Variants in UTRN observed in about 807,000 individuals in gnomAD.
UTRN encodes the protein utrophin, also known as dystrophin-related protein 1.
A neutral mutation model predicts 463.9 loss-of-function variants in UTRN; 283 were observed. The ratio of observed to expected loss-of-function variants is 0.61; its 90% CI spans 0.55 to 0.67. The LOEUF (loss-of-function observed/expected upper bound fraction) is 0.67, where lower values mean the gene tolerates loss of function less well. Among genes scored for constraint, UTRN ranks in the 30% least tolerant of loss-of-function variants. The pLI is 0.00. For missense variants in UTRN, 3,922 were observed against 4,084.3 expected, an observed-to-expected ratio of 0.96 and a Z score of 1.08; for synonymous variants, 1,442 against 1,431.5, an observed-to-expected ratio of 1.01 and a Z score of -0.17.
rs948583117 is a variant in UTRN at position 144,620,022 on chromosome 6, A to G, written c.7479+42734A>G. ...TCTCCCAGATATCCAGTGTGTCTGC[A>G]TGAATGTGTCTCTCTTTATCTTTTT... is the stretch of plus-strand genomic sequence containing the variant. On this transcript the variant is annotated intron_variant, in intron 51 of 74. Transcript: ENST00000367545. Among the ~76,000 whole-genome samples the G allele has an allele frequency of 7.9e-5, 12 of 152,172 alleles. 1 individual carries two copies. Among genetic ancestry groups the G allele is most frequent in the African/African-American group, 2.9e-4 (12 of 41,450 alleles).
chr6:144,652,741 T>C (rs1399752243), intron 51 of UTRN, among the ~76,000 whole-genome samples: 1 of 152,200 alleles, frequency 6.6e-6, no homozygotes, highest in Non-Finnish European at 1.5e-5. Flanking sequence ...TTACTAGTTA[T>C]AAAGTAACTT....
intron 51 of UTRN, chr6:144,660,334 T>C: frequency 2.1e-6 from 1 of 469,998 alleles, no homozygotes; most frequent in Admixed American, 2.4e-5. Context: ...GCCTTTTTTT[T>C]CACTATACAT....
At chr6:144,681,824 A>T (rs549798448) in intron 52 of UTRN, among the ~76,000 whole-genome samples, 12 of 152,174 alleles carry the variant, frequency 7.9e-5, no homozygotes, top group South Asian at 2.1e-4. Flanking sequence ...GCTTTTAAAA[A>T]TTTTTTTAAT....
chr6:144,839,061 C>A, intron 71 of UTRN, 112 bp from the exon 72 acceptor site: 1 of 769,832 alleles, frequency 1.3e-6, no homozygotes, highest in Non-Finnish European at 2.1e-6. Flanking sequence ...AAGGCAAAGA[C>A]TTCTATATGA....
chr6:144,502,042 T>A (rs556086438), intron 34 of UTRN, among the ~76,000 whole-genome samples: 12 of 152,274 alleles, frequency 7.9e-5, no homozygotes, highest in Admixed American at 7.2e-4. Context: ...GCTTAGTGAG[T>A]TGTGTTTGAT....
At chr6:144,732,279 C>CACACATATATATATAT (rs1350339903) in intron 54 of UTRN, among the ~76,000 whole-genome samples, 2 of 103,216 alleles carry the variant, frequency 1.9e-5, no homozygotes, top group Non-Finnish European at 3.7e-5. Context: ...TATATATATA[C>CACACATATATATATAT]ACACATATAT....
At chr6:144,822,573 A>T (rs572946778) in intron 66 of UTRN, among the ~76,000 whole-genome samples, 236 of 152,230 alleles carry the variant, frequency 1.6e-3, no homozygotes, top group African/African-American at 5.3e-3. Context: ...ATTTAGAAAA[A>T]GTTTTAATAA....
At chr6:144,490,853 A>G in intron 31 of UTRN, 76 bp from the exon 32 acceptor site, 1 of 1,439,842 alleles carries the variant, frequency 6.9e-7, no homozygotes, top group South Asian at 1.6e-5. Context: ...ACAAATTTTT[A>G]GTAGTATCTG....
At position 144,732,253 on chromosome 6, in the gene UTRN, TATATACAC is replaced by T. The variant is rs1378211630; in HGVS notation, c.7939+1769_7939+1776del. ...ATATATATATACATATATATATATA[TATATACAC>T]ACATATATATATATATACACACATA... On this transcript the variant is annotated intron_variant, in intron 54 of 74. Coordinates refer to ENST00000367545, the MANE Select transcript of UTRN (RefSeq NM_007124.3). 2.0e-3 allele frequency among the ~76,000 whole-genome samples: 228 copies of T among 112,404 alleles called. 2 individuals carry two copies. The highest frequency in any genetic ancestry group is 5.4e-3 in the East Asian group (17 of 3,140). 73.7% of individuals were successfully genotyped at this position (112,404 alleles called of 152,430 possible). A position where few individuals can be genotyped will look rare whatever the true frequency, so the allele number is the denominator to read the frequency against.
intron 51 of UTRN, among the ~76,000 whole-genome samples, chr6:144,636,011 T>G (rs574648297): frequency 1.3e-5 from 2 of 152,278 alleles, no homozygotes; most frequent in South Asian, 4.1e-4. Context: ...AATTTATATG[T>G]ATGAATTTTA....
rs770148899 is a variant in UTRN, at chr6:144,627,077, C to CTG, written c.7479+49802_7479+49803dup. On this transcript the variant is annotated intron_variant, in intron 51 of 74. Coordinates refer to ENST00000367545, the MANE Select transcript of UTRN (RefSeq NM_007124.3). ...CCCATTCAGTAACCTTTTGCCCTAC[C>CTG]TGTGTGTGTGTGTGCACTACGCGGC... 4.7e-3 allele frequency among the ~76,000 whole-genome samples: 700 copies of CTG among 148,150 alleles called. 5 individuals are homozygous for CTG. The highest frequency in any genetic ancestry group is 0.017 in the African/African-American group (671 of 40,442).
intron 52 of UTRN, among the ~76,000 whole-genome samples, chr6:144,699,473 G>GTTTTTTTTTTTTTTTTTT (rs71024902): frequency 1.2e-4 from 8 of 67,614 alleles, no homozygotes; most frequent in Admixed American, 5.9e-4. Context: ...TTAGTCAGTG[G>GTTTTTTTTTTTTTTTTTT]TTTTTTTTTT....
chr6:144,835,945 T>C lies in UTRN; in HGVS notation c.9824+7T>C. 1 of 1,613,446 alleles carries C rather than the reference T, an allele frequency of 6.2e-7. No homozygotes were observed. Among genetic ancestry groups the C allele is most frequent in the Non-Finnish European group, 8.5e-7 (1 of 1,179,756 alleles). On this transcript the variant is annotated splice_region_variant and intron_variant, in intron 70 of 74. Coordinates refer to ENST00000367545, the MANE Select transcript of UTRN (RefSeq NM_007124.3). Reference sequence around the variant, plus strand: ...ACCTGGAGGAAGAACAAAGGTGTGCTAGGCCTGGGAGAAGGAAATATGTCA... The same window carrying C: ...ACCTGGAGGAAGAACAAAGGTGTGCCAGGCCTGGGAGAAGGAAATATGTCA...
chr6:144,630,718 G>T (rs1407851725), intron 51 of UTRN, among the ~76,000 whole-genome samples: 1 of 152,138 alleles, frequency 6.6e-6, no homozygotes, highest in East Asian at 1.9e-4. Context: ...TGGAGAGTTT[G>T]TTATATGCAT....
chr6:144,827,564 A>G (rs763303378), intron 67 of UTRN, 47 bp from the exon 68 acceptor site: 18 of 1,609,472 alleles, frequency 1.1e-5, no homozygotes, highest in African/African-American at 1.3e-5. Context: ...AGTAACACCT[A>G]TCAATATTTG....
chr6:144,369,790 C>T (rs528304890), intron 2 of UTRN, among the ~76,000 whole-genome samples: 3 of 152,086 alleles, frequency 2.0e-5, no homozygotes, highest in Non-Finnish European at 4.4e-5. Flanking sequence ...AGGTTTTTCC[C>T]GTGCTATTCT....
intron 52 of UTRN, among the ~76,000 whole-genome samples, chr6:144,686,515 G>T (rs1238496670): frequency 1.3e-5 from 2 of 152,050 alleles, no homozygotes. Context: ...TTAATGTGCT[G>T]CAGTCTATCT....
intron 2 of UTRN, among the ~76,000 whole-genome samples, chr6:144,306,734 T>C (rs1160510732): frequency 6.6e-6 from 1 of 151,994 alleles, no homozygotes; most frequent in East Asian, 1.9e-4. Flanking sequence ...TCCTGAGTCA[T>C]TTTTTGAGCT....
Position 144,678,537 on chromosome 6 carries a change from C to T in UTRN, c.7611C>T (p.Asn2537=). The change falls in exon 52 of 75, where the codon AAC becomes AAT. Residue 2537 remains asparagine, a synonymous_variant. Coordinates refer to ENST00000367545, the MANE Select transcript of UTRN (RefSeq NM_007124.3). ...TMLQHRLDDM[N]QRWNDLKAKS... is the part of the protein sequence containing the mutation. ...TTCAACATCGACTGGATGATATGAA[C>T]CAAAGATGGAATGACTTAAAAGCAA... 6.2e-7 allele frequency: 1 copy of T among 1,611,600 alleles called. No homozygotes were observed. Among genetic ancestry groups the T allele is most frequent in the East Asian group, 2.2e-5 (1 of 44,774 alleles).
Sources: allele counts gnomAD v4.1 joint callset (sites outside exome capture counted in the v4.1 genomes callset), GRCh38; gene constraint gnomAD v4.1.1; transcripts MANE v1.5; gene names NCBI Gene and HGNC (gene_info 2026-07-23, HGNC 2026-07-21).